AGAP1: variants seen among roughly 807,000 people sequenced by gnomAD.
AGAP1 encodes ArfGAP with GTPase domain, ankyrin repeat and PH domain 1, also known as arf-GAP with GTPase, ANK repeat and PH domain-containing protein 1.
In AGAP1, 29 loss-of-function variants were observed where a neutral mutation model predicts 105.3. The observed-to-expected ratio is 0.28, with a 90% CI of 0.21 to 0.38. The LOEUF (loss-of-function observed/expected upper bound fraction) is 0.38. Among genes scored for constraint, AGAP1 ranks in the 10% least tolerant of loss-of-function variants. The pLI is 1.00. For synonymous variants in AGAP1, 509 were observed against 485.9 expected, an observed-to-expected ratio of 1.05 and a Z score of -0.63; for missense variants, 998 against 1,165.1, an observed-to-expected ratio of 0.86 and a Z score of 2.09.
chr2:235,543,059 C>T (rs1185041110), intron 1 of AGAP1, among the ~76,000 whole-genome samples: 2 of 150,846 alleles, frequency 1.3e-5, no homozygotes, highest in Non-Finnish European at 3.0e-5. Context: ...TCATTCCCTC[C>T]CTGGGTATTG....
At position 236,092,147 on chromosome 2, in the gene AGAP1, C is replaced by T. The variant is rs2059077527; in HGVS notation, c.2115-28045C>T. On this transcript the variant is annotated intron_variant, in intron 16 of 17. Coordinates refer to ENST00000304032, the MANE Select transcript of AGAP1 (RefSeq NM_001037131.3). The surrounding 1 kb of genome is among the most constrained non-coding windows in gnomAD (Gnocchi z 4.7). ...GAGGGTGGGTGAGGTTTTAGAAAGG[C>T]AACAAGAGAGACCCTTGACTGGTGC... 6.6e-6 allele frequency among the ~76,000 whole-genome samples: 1 copy of T among 152,142 alleles called. No homozygotes were observed. The highest frequency in any genetic ancestry group is 2.1e-4 in the South Asian group (1 of 4,826).
chr2:235,858,617 A>G (rs1478524599), intron 9 of AGAP1, among the ~76,000 whole-genome samples: 6 of 152,238 alleles, frequency 3.9e-5, no homozygotes, highest in Admixed American at 3.9e-4. Context: ...CTAGTTCACA[A>G]TGAATTATAT....
In AGAP1 at chr2:235,883,234, G is replaced by A. The variant is rs2050118261; in HGVS notation, c.1051-111G>A. 4.9e-6 allele frequency: 4 copies of A among 821,720 alleles called. No individual in the cohort carries two copies. The highest frequency in any genetic ancestry group is 8.0e-6 in the Non-Finnish European group (4 of 499,232). 50.9% of individuals were successfully genotyped at this position (821,720 alleles called of 1,614,324 possible). On this transcript the variant is annotated intron_variant, in intron 9 of 17. Transcript: ENST00000304032. This position sits in a 1 kb window ranked among gnomAD's most constrained non-coding sequence, Gnocchi z 4.5. ...TCTTTTAGCATTCGCCAGTATCACA[G>A]AGTGAAGTTCTGCACACACACAGAA...
rs1385795892 is a variant in AGAP1 at position 235,759,628 on chromosome 2, G to A, written c.673+9140G>A. ...GGAGACTTGATTCAGCCTGTTGGTGGGGGCGCACATGTGAGGAAGAAGCCT... is the reference window on the plus strand; with the variant it reads ...GGAGACTTGATTCAGCCTGTTGGTGAGGGCGCACATGTGAGGAAGAAGCCT... On this transcript the variant is annotated intron_variant, in intron 6 of 17. Coordinates refer to ENST00000304032, the MANE Select transcript of AGAP1 (RefSeq NM_001037131.3). Among the ~76,000 whole-genome samples the A allele has an allele frequency of 2.0e-5, 3 of 152,182 alleles. No individual in the cohort carries two copies. In the East Asian group the frequency reaches 5.8e-4, roughly 29 times the overall value.
Position 235,582,187 on chromosome 2 carries a change from C to G in AGAP1, c.163+87338C>G, listed in dbSNP as rs1944955126. On this transcript the variant is annotated intron_variant, in intron 1 of 17. Coordinates refer to ENST00000304032, the MANE Select transcript of AGAP1 (RefSeq NM_001037131.3). The surrounding 1 kb of genome is among the most constrained non-coding windows in gnomAD (Gnocchi z 4.7). ...GGCCCCTGGTCACCAGATGTGAGCC[C>G]TGGAGCGCATGATTGTGGTTTTGAC... Among the ~76,000 whole-genome samples, 3 of 152,154 alleles carry G rather than the reference C, an allele frequency of 2.0e-5. No individual in the cohort carries two copies. The South Asian group carries it at 6.2e-4, about 32-fold the overall frequency.
intron 1 of AGAP1, among the ~76,000 whole-genome samples, chr2:235,649,061 G>T (rs1010143672): frequency 6.6e-5 from 10 of 152,178 alleles, no homozygotes; most frequent in Non-Finnish European, 1.5e-4. Flanking sequence ...GATGAGAGTA[G>T]TTACACTTTT....
intron 1 of AGAP1, among the ~76,000 whole-genome samples, chr2:235,704,564 T>C (rs1221864832): frequency 6.6e-6 from 1 of 152,194 alleles, no homozygotes; most frequent in Non-Finnish European, 1.5e-5. Context: ...GAGAATCTCT[T>C]GAACTCGGGA....
In AGAP1 at chr2:235,754,758, T is replaced by C. The variant is rs1165866412; in HGVS notation, c.673+4270T>C. Among the ~76,000 whole-genome samples, 1 of 152,202 alleles carries C rather than the reference T, an allele frequency of 6.6e-6. No individual in the cohort carries two copies. Among genetic ancestry groups the C allele is most frequent in the Non-Finnish European group, 1.5e-5 (1 of 68,036 alleles). On this transcript the variant is annotated intron_variant, in intron 6 of 17. Coordinates refer to ENST00000304032, the MANE Select transcript of AGAP1 (RefSeq NM_001037131.3). This position sits in a 1 kb window ranked among gnomAD's most constrained non-coding sequence, Gnocchi z 4.6. ...ATCTGAGCACCAGCTTCCCACACAC[T>C]GTGCGTCTGGTCAGGGGCTAGAGGC...
chr2:235,765,529 G>A (rs1045165600), intron 6 of AGAP1, among the ~76,000 whole-genome samples: 20 of 152,244 alleles, frequency 1.3e-4, no homozygotes, highest in African/African-American at 4.8e-4. Context: ...GCTCACTGCC[G>A]CGTGGTCAGT....
intron 12 of AGAP1, among the ~76,000 whole-genome samples, chr2:235,938,743 C>T (rs911764964): frequency 3.9e-5 from 6 of 152,054 alleles, no homozygotes; most frequent in African/African-American, 9.7e-5. Flanking sequence ...AGAAAGACAT[C>T]GGCACACTGG....
chr2:235,965,388 G>A lies in AGAP1; in HGVS notation c.1484-3074G>A, dbSNP rs138614615. Reference sequence around the variant, plus strand: ...ATGATAAGGGAAAGGAAGTCTTACGGGGGCGAAGGAAGGCACAGTGAAACA... The same window carrying A: ...ATGATAAGGGAAAGGAAGTCTTACGAGGGCGAAGGAAGGCACAGTGAAACA... On this transcript the variant is annotated intron_variant, in intron 12 of 17. Coordinates refer to ENST00000304032, the MANE Select transcript of AGAP1 (RefSeq NM_001037131.3). The surrounding 1 kb of genome is among the most constrained non-coding windows in gnomAD (Gnocchi z 5.8). Among the ~76,000 whole-genome samples the A allele has an allele frequency of 2.9e-3, 443 of 152,284 alleles. 1 individual carries two copies. The highest frequency in any genetic ancestry group is 4.8e-3 in the Non-Finnish European group (329 of 68,032).
rs2055003062 is a variant in AGAP1, at chr2:235,979,567, C to G, written c.1645+10944C>G. Among the ~76,000 whole-genome samples the G allele has an allele frequency of 6.6e-6, 1 of 152,200 alleles. No individual in the cohort carries two copies. The highest frequency in any genetic ancestry group is 1.9e-4 in the East Asian group (1 of 5,182). On this transcript the variant is annotated intron_variant, in intron 13 of 17. Transcript: ENST00000304032. The surrounding 1 kb of genome is among the most constrained non-coding windows in gnomAD (Gnocchi z 4.5). ...TTTCTCATCTCAGACATACCATAGG[C>G]ACCAAGGTGTGGAGCCAGTGAAAGA...
At chr2:236,107,478 G>A (rs1012371347) in intron 16 of AGAP1, among the ~76,000 whole-genome samples, 1 of 152,156 alleles carries the variant, frequency 6.6e-6, no homozygotes, top group African/African-American at 2.4e-5. Flanking sequence ...CAAGACTCTG[G>A]AAGAATGAGG....
At chr2:235,828,559 G>T (rs1216933803) in intron 9 of AGAP1, among the ~76,000 whole-genome samples, 1 of 152,182 alleles carries the variant, frequency 6.6e-6, no homozygotes, top group Admixed American at 6.5e-5. Flanking sequence ...GGGAGGTCTT[G>T]CCCAGGGGTG....
chr2:235,732,588 TCCTCTCCCCAAG>T lies in AGAP1; in HGVS notation c.311-8366_311-8355del, dbSNP rs1206311546. Among the ~76,000 whole-genome samples the T allele has an allele frequency of 6.6e-6, 1 of 152,150 alleles. No individual in the cohort carries two copies. The highest frequency in any genetic ancestry group is 6.5e-5 in the Admixed American group (1 of 15,268). ...TTTCTCTTCTGTTCCCTTCCCTCCT[TCCTCTCCCCAAG>T]CCTCTCCCGCCTTCCCATTTTCCCT... On this transcript the variant is annotated intron_variant, in intron 3 of 17. Coordinates refer to ENST00000304032, the MANE Select transcript of AGAP1 (RefSeq NM_001037131.3). This position sits in a 1 kb window ranked among gnomAD's most constrained non-coding sequence, Gnocchi z 4.8.
chr2:236,052,834 C>T (rs745882871), intron 16 of AGAP1, among the ~76,000 whole-genome samples: 3 of 152,140 alleles, frequency 2.0e-5, no homozygotes, highest in East Asian at 1.9e-4. Context: ...AGCAATGCTA[C>T]AACAATTAAC....
chr2:236,023,134 G>A (rs564030890), intron 13 of AGAP1, among the ~76,000 whole-genome samples: 1 of 152,328 alleles, frequency 6.6e-6, no homozygotes, highest in South Asian at 2.1e-4. Flanking sequence ...AAGGTAGCGA[G>A]TATATTCCGT....
chr2:236,010,816 C>A lies in AGAP1; in HGVS notation c.1646-25745C>A, dbSNP rs146389398. Among the ~76,000 whole-genome samples the A allele has an allele frequency of 7.2e-5, 11 of 152,326 alleles. No homozygotes were observed. In the East Asian group the frequency reaches 1.9e-3, roughly 27 times the overall value. The stretch of plus-strand genomic sequence containing the variant: ...TTTGTCTTAGAGTTTGGGAGTGAGT[C>A]TCTCTGCATTGTCTTAACCTGAGTT... On this transcript the variant is annotated intron_variant, in intron 13 of 17. Coordinates refer to ENST00000304032, the MANE Select transcript of AGAP1 (RefSeq NM_001037131.3).
At position 236,101,101 on chromosome 2, in the gene AGAP1, A is replaced by G. The variant is rs1337944913; in HGVS notation, c.2115-19091A>G. ...ATGTTTCCATGTTTTCATATTTTGA[A>G]AAAAGTCAAAATCCAAATTGATTTT... On this transcript the variant is annotated intron_variant, in intron 16 of 17. Coordinates refer to ENST00000304032, the MANE Select transcript of AGAP1 (RefSeq NM_001037131.3). This position sits in a 1 kb window ranked among gnomAD's most constrained non-coding sequence, Gnocchi z 4.9. Among the ~76,000 whole-genome samples, 1 of 152,106 alleles carries G rather than the reference A, an allele frequency of 6.6e-6. No individual in the cohort carries two copies. The highest frequency in any genetic ancestry group is 1.5e-5 in the Non-Finnish European group (1 of 68,018).
Sources: gnomAD v4.1 joint callset for allele counts (sites outside exome capture counted in the v4.1 genomes callset) on GRCh38, gnomAD v4.1.1 for gene constraint, Gnocchi (gnomAD v3.1) non-coding constraint, MANE v1.5 for transcripts, NCBI Gene and HGNC (gene_info 2026-07-23, HGNC 2026-07-21) for gene names.